The following KRT72 variants were observed in gnomAD, a reference collection of about 807,000 sequenced individuals.
KRT72 encodes keratin, type II cytoskeletal 72.
A neutral mutation model predicts 44.7 loss-of-function variants in KRT72; 44 were observed. The ratio of observed to expected loss-of-function variants is 0.98; its 90% CI spans 0.77 to 1.27. KRT72 has a LOEUF of 1.27. KRT72 is among the 50% of genes most tolerant of loss of function. The pLI is 0.00. For synonymous variants in KRT72, 302 were observed against 280.4 expected, an observed-to-expected ratio of 1.08 and a Z score of -0.77; for missense variants, 736 against 667.1, an observed-to-expected ratio of 1.10 and a Z score of -1.14.
In KRT72 at chr12:52,590,932, C is replaced by T. The variant is rs1939987079; in HGVS notation, c.993G>A (p.Gln331=). ...KIQELQVTAG[Q]HGDDLKLTKA... ...TGGTGAGCTTGAGGTCATCCCCATG[C>T]TGGCCTGCTGTGACCTGCAGCTCCT... The change falls in exon 6 of 9, where the codon CAG becomes CAA. Residue 331 remains glutamine, a synonymous_variant. Transcript: ENST00000293745. The T allele has an allele frequency of 1.2e-6, 2 of 1,603,706 alleles. No individual in the cohort carries two copies. The highest frequency in any genetic ancestry group is 1.7e-6 in the Non-Finnish European group (2 of 1,172,718).
intron 2 of KRT72, among the ~76,000 whole-genome samples, chr12:52,598,020 G>A (rs1940277731): frequency 1.3e-5 from 2 of 152,162 alleles, no homozygotes; most frequent in Non-Finnish European, 2.9e-5. Context: ...GACCCTGCTT[G>A]CATCTCTAGT....
intron 4 of KRT72, among the ~76,000 whole-genome samples, chr12:52,591,886 G>A (rs189948347): frequency 3.9e-4 from 59 of 152,160 alleles, no homozygotes; most frequent in Non-Finnish European, 6.9e-4. Context: ...ACCAGCCACC[G>A]CCACCCTCCA....
intron 5 of KRT72, 87 bp downstream of exon 5, chr12:52,591,377 C>CACAA: frequency 1.8e-5 from 24 of 1,354,480 alleles, no homozygotes; most frequent in Non-Finnish European, 2.5e-5. Flanking sequence ...CACACACAAA[C>CACAA]ACACGCACAC....
In KRT72 at chr12:52,601,254, C is replaced by T. The variant is rs749691125; in HGVS notation, c.199G>A (p.Gly67Ser). 10 of 1,565,310 alleles carry T rather than the reference C, an allele frequency of 6.4e-6. No individual in the cohort carries two copies. The highest frequency in any genetic ancestry group is 3.4e-4 in the Middle Eastern group (2 of 5,852). ...ACGAAGCCGCCCAGGCGGCCGCCGCCCCGCCGTGCAGCAGCGCTGAGCGCC... is the reference window on the plus strand; with the variant it reads ...ACGAAGCCGCCCAGGCGGCCGCCGCTCCGCCGTGCAGCAGCGCTGAGCGCC... The part of the protein sequence containing the change: ...SLALSAAARR[G>S]GGRLGGFVGT... The change falls in exon 1 of 9, where the codon GGC (glycine) becomes AGC (serine). Residue 67 changes from glycine (G) to serine (S), a missense_variant. Gly to Ser is a moderately conservative substitution (Grantham distance 56). Transcript: ENST00000293745.
rs773591423 is a variant in KRT72 at position 52,587,797 on chromosome 12, G to A, written c.1144C>T (p.Leu382=). Residue 382 remains leucine (L), a synonymous_variant, in exon 7 of 9, where the codon CTG becomes TTG. Coordinates refer to ENST00000293745, the MANE Select transcript of KRT72 (RefSeq NM_080747.3). ...ADAEQRGDCA[L]KDARAKLDEL... ...TCCAGCTTGGCCCGGGCATCTTTCA[G>A]GGCGCAGTCCCCCCGCTGTTCAGCG... The A allele has an allele frequency of 1.8e-5, 29 of 1,614,084 alleles. No individual in the cohort carries two copies. The highest frequency in any genetic ancestry group is 2.5e-5 in the Non-Finnish European group (29 of 1,180,056).
chr12:52,585,941 A>C lies in KRT72; in HGVS notation c.*41T>G. 1 of 1,560,960 alleles carries C rather than the reference A, an allele frequency of 6.4e-7. No individual in the cohort carries two copies. Among genetic ancestry groups the C allele is most frequent in the Non-Finnish European group, 8.8e-7 (1 of 1,141,906 alleles). On this transcript the variant is annotated 3_prime_UTR_variant, in exon 9 of 9. Transcript: ENST00000293745. ...GGGAAGGAGAGGGAGGAGACGGGTGAGTTGGGAAGCCTTCTGCTCACAGAG... is the reference window on the plus strand; with the variant it reads ...GGGAAGGAGAGGGAGGAGACGGGTGCGTTGGGAAGCCTTCTGCTCACAGAG...
intron 7 of KRT72, 69 bp from the exon 8 acceptor site, chr12:52,587,049 C>G: frequency 6.9e-7 from 1 of 1,448,384 alleles, no homozygotes; most frequent in Non-Finnish European, 9.7e-7. Flanking sequence ...GAAGTCACCT[C>G]TGTGAATAAG....
At chr12:52,594,155 G>T (rs1940156089) in intron 2 of KRT72, among the ~76,000 whole-genome samples, 3 of 152,118 alleles carry the variant, frequency 2.0e-5, no homozygotes, top group African/African-American at 7.2e-5. Context: ...CATTCCTAAG[G>T]CATGTCCCTG....
chr12:52,595,145 C>T lies in KRT72; in HGVS notation c.642-2193G>A, dbSNP rs547873529. 5.0e-4 allele frequency among the ~76,000 whole-genome samples: 76 copies of T among 152,154 alleles called. 1 individual carries two copies. The highest frequency in any genetic ancestry group is 4.8e-3 in the East Asian group (25 of 5,178). On this transcript the variant is annotated intron_variant, in intron 2 of 8. Transcript: ENST00000293745. ...CCAAGTGGGCTATCAAAATCAATGA[C>T]ATTAGCTGTAAATAATTTTACATTA...
rs183384856 is a variant in KRT72, at chr12:52,590,284, C to T, written c.1089+552G>A. ...CCACGCTAGTGCAGGGCCCTGAGCC[C>T]GATCTGGGTTGTGGGGGCTGTGCCT... On this transcript the variant is annotated intron_variant, in intron 6 of 8. Coordinates refer to ENST00000293745, the MANE Select transcript of KRT72 (RefSeq NM_080747.3). Among the ~76,000 whole-genome samples the T allele has an allele frequency of 7.5e-4, 115 of 152,324 alleles. No individual in the cohort carries two copies. The Middle Eastern group carries it at 0.017, about 23-fold the overall frequency.
intron 5 of KRT72, 90 bp downstream of exon 5, chr12:52,591,374 A>AC: frequency 5.7e-6 from 8 of 1,392,182 alleles, no homozygotes; most frequent in South Asian, 1.4e-5. Context: ...ACACACACAC[A>AC]AACACACGCA....
Position 52,601,071 on chromosome 12 carries a change from G to T in KRT72, c.382C>A (p.Gln128Lys), listed in dbSNP as rs771442855. The T allele has an allele frequency of 6.8e-6, 11 of 1,612,366 alleles. No individual in the cohort carries two copies. In the East Asian group the frequency reaches 2.0e-4, roughly 29 times the overall value. The stretch of plus-strand genomic sequence containing the variant: ...AACTTGTTGTTTAGCGCCTTGATCT[G>T]CTCCCGCTCCTGGGCGCGCACCCTC... ...IQRVRAQEREQIKALNNKFAS... is the reference protein window; with the variant it reads ...IQRVRAQEREKIKALNNKFAS... The change falls in exon 1 of 9, where the codon CAG becomes AAG. Residue 128 changes from glutamine to lysine, a missense_variant. Transcript: ENST00000293745.
At position 52,591,536 on chromosome 12, in the gene KRT72, G is replaced by A. The variant is rs367576767; in HGVS notation, c.891C>T (p.Ala297=). Residue 297 remains alanine, a synonymous_variant, in exon 5 of 9, where the codon GCC becomes GCT. Coordinates refer to ENST00000293745, the MANE Select transcript of KRT72 (RefSeq NM_080747.3). The part of the protein sequence containing the change: ...NRDLDLDSII[A]EVRAQYEEIA... ...TCTCCTCGTACTGGGCACGGACCTCGGCAATGATGCTGTCCAGGTCCAGAT... is the reference window on the plus strand; with the variant it reads ...TCTCCTCGTACTGGGCACGGACCTCAGCAATGATGCTGTCCAGGTCCAGAT... 3.4e-5 allele frequency: 55 copies of A among 1,613,964 alleles called. 1 individual carries two copies. In the African/African-American group the frequency reaches 3.5e-4, roughly 10 times the overall value.
chr12:52,593,003 A>T, intron 2 of KRT72, 51 bp from the exon 3 acceptor site: 5 of 1,511,866 alleles, frequency 3.3e-6, no homozygotes, highest in Non-Finnish European at 4.6e-6. Context: ...CACTCACTGA[A>T]CAGTTAGTGA....
chr12:52,595,964 G>A (rs1271922290), intron 2 of KRT72, among the ~76,000 whole-genome samples: 1 of 152,214 alleles, frequency 6.6e-6, no homozygotes, highest in South Asian at 2.1e-4. Context: ...TCAGCTGACA[G>A]ATGGTTAAAC....
At chr12:52,600,726 C>A (rs1940405622) in intron 1 of KRT72, among the ~76,000 whole-genome samples, 1 of 131,490 alleles carries the variant, frequency 7.6e-6, no homozygotes, top group Admixed American at 7.1e-5. Context: ...CCAATGAAAC[C>A]TCTTTTTTTT....
chr12:52,596,797 T>C (rs1041544548), intron 2 of KRT72, among the ~76,000 whole-genome samples: 26 of 152,274 alleles, frequency 1.7e-4, no homozygotes, highest in African/African-American at 5.8e-4. Flanking sequence ...ATGATCCACG[T>C]GCCTCAGCCT....
Position 52,592,955 on chromosome 12 carries a change from G to A in KRT72, c.642-3C>T, listed in dbSNP as rs541197682. On this transcript the variant is annotated splice_region_variant and splice_polypyrimidine_tract_variant and intron_variant, in intron 2 of 8. Transcript: ENST00000293745. Reference sequence around the variant, plus strand: ...GTCTGTTAATCTCCACCTCATACCTGCATGGGGCAAGACAATGAGGTAATT... The same window carrying A: ...GTCTGTTAATCTCCACCTCATACCTACATGGGGCAAGACAATGAGGTAATT... 1 of 1,612,646 alleles carries A rather than the reference G, an allele frequency of 6.2e-7. No individual in the cohort carries two copies. Among genetic ancestry groups the A allele is most frequent in the East Asian group, 2.2e-5 (1 of 44,792 alleles).
intron 1 of KRT72, chr12:52,599,498 T>C: frequency 2.2e-6 from 1 of 457,654 alleles, no homozygotes; most frequent in Non-Finnish European, 4.4e-6. Flanking sequence ...GTTCCTCCTG[T>C]TGTGTAGCCT....
Sources: gnomAD v4.1 joint callset for allele counts (sites outside exome capture counted in the v4.1 genomes callset) on GRCh38, gnomAD v4.1.1 for gene constraint, MANE v1.5 for transcripts, NCBI Gene and HGNC (gene_info 2026-07-23, HGNC 2026-07-21) for gene names.